ATP2C1: variants seen among roughly 807,000 people sequenced by gnomAD.
ATP2C1 encodes the protein calcium-transporting ATPase type 2C member 1.
ATP2C1 carries 31 observed loss-of-function variants against 120.5 expected under a neutral mutation model. The observed-to-expected ratio is 0.26, with a 90% confidence interval of 0.19 to 0.35. ATP2C1 has a LOEUF of 0.35. Among genes scored for constraint, ATP2C1 ranks in the 10% least tolerant of loss-of-function variants. The probability of loss-of-function intolerance (pLI) is 1.00; values close to 1 mark genes in which losing one functional copy is unlikely to be tolerated. For synonymous variants in ATP2C1, 351 were observed against 358.7 expected (o/e 0.98, Z 0.24); for missense variants, 731 against 1,107.5 (o/e 0.66, Z 4.83).
upstream of ATP2C1, among the ~76,000 whole-genome samples, chr3:130,892,338 A>G (rs2069201409): frequency 6.6e-6 from 1 of 152,254 alleles, no homozygotes; most frequent in Non-Finnish European, 1.5e-5. Context: ...GAATATGTAC[A>G]GTAATAACTG....
intron 9 of ATP2C1, 61 bp from the exon 10 acceptor site, chr3:130,954,951 G>C: frequency 9.0e-7 from 1 of 1,112,092 alleles, no homozygotes; most frequent in South Asian, 1.2e-5. Flanking sequence ...ATGTGTGTGT[G>C]TATGTGTTTT....
At position 130,852,634 on chromosome 3, in the gene ATP2C1, A is replaced by T. The variant is rs930699503; in HGVS notation, c.108+1706A>T. Among the ~76,000 whole-genome samples the T allele has an allele frequency of 3.7e-4, 57 of 152,314 alleles. 1 individual carries two copies. The highest frequency in any genetic ancestry group is 7.2e-4 in the Admixed American group (11 of 15,284). ...ATATATTTGATTTCTTTTTAAAGCCAACTACAGCTCTGCAGACCTAATGTC... is the reference window on the plus strand; with the variant it reads ...ATATATTTGATTTCTTTTTAAAGCCTACTACAGCTCTGCAGACCTAATGTC... On this transcript the variant is annotated intron_variant, in intron 1 of 26. Transcript: ENST00000504381.
chr3:130,955,502 C>T (rs1030654396), intron 10 of ATP2C1, among the ~76,000 whole-genome samples: 15 of 152,234 alleles, frequency 9.9e-5, no homozygotes, highest in Admixed American at 5.2e-4. Flanking sequence ...AAGATATTCT[C>T]GGCTAAAAGT....
chr3:131,006,821 C>A (rs2109003610), downstream of ATP2C1, among the ~76,000 whole-genome samples: 1 of 151,926 alleles, frequency 6.6e-6, no homozygotes, highest in South Asian at 2.1e-4. Context: ...TGCCACCATA[C>A]CTAGCTAATT....
intron 12 of ATP2C1, chr3:130,959,673 C>T (rs2060736373): frequency 6.3e-6 from 1 of 158,762 alleles, no homozygotes; most frequent in Admixed American, 6.2e-5. Flanking sequence ...TAATCAATTT[C>T]AGAGGAAAAC....
chr3:130,896,744 C>A (rs1400037988), intron 2 of ATP2C1, among the ~76,000 whole-genome samples: 1 of 152,122 alleles, frequency 6.6e-6, no homozygotes, highest in African/African-American at 2.4e-5. Context: ...CCTTTCTGAG[C>A]CTGTATTTCT....
In ATP2C1 at chr3:130,894,831, T is replaced by C; in HGVS notation, c.6+56T>C. On this transcript the variant is annotated intron_variant, in intron 2 of 27. Coordinates refer to ENST00000510168, the MANE Select transcript of ATP2C1 (RefSeq NM_001378687.1). This position sits in a 1 kb window ranked among gnomAD's most constrained non-coding sequence, Gnocchi z 4.5. ...CGGAGTTGAGGGTGTGGTGGTTTGC[T>C]TTTAAGTTGTCTTTGTTTTTCCACC... is the stretch of plus-strand genomic sequence containing the variant. 1.3e-5 allele frequency: 19 copies of C among 1,516,954 alleles called. No homozygotes were observed. Among genetic ancestry groups the C allele is most frequent in the Non-Finnish European group, 1.5e-5 (16 of 1,091,356 alleles). The allele number at this position is 1,516,954 out of a possible 1,614,324, so 94.0% of individuals were successfully genotyped here.
rs1576613716 is a variant in ATP2C1 at position 130,894,500 on chromosome 3, T to C, written c.-180-90T>C. On this transcript the variant is annotated intron_variant, in intron 1 of 27. Transcript: ENST00000510168. The surrounding 1 kb of genome is among the most constrained non-coding windows in gnomAD (Gnocchi z 4.5). The stretch of plus-strand genomic sequence containing the variant: ...CACACGACGGGGCGGGTGCGGGATC[T>C]TGGGGAGGGGGGCTCCCGAGATAGT... 1.5e-5 allele frequency: 21 copies of C among 1,378,316 alleles called. No individual in the cohort carries two copies. The East Asian group carries it at 5.9e-4, about 39-fold the overall frequency. The allele number at this position is 1,378,316 out of a possible 1,614,324, so 85.4% of individuals were successfully genotyped here.
chr3:130,999,370 G>T, intron 26 of ATP2C1, 148 bp from the exon 27 acceptor site: 1 of 703,436 alleles, frequency 1.4e-6, no homozygotes, highest in Non-Finnish European at 2.4e-6. Context: ...TTCCAAAACA[G>T]TAGTAAAATT....
At chr3:131,007,707 G>A (rs1171845284), downstream of ATP2C1, among the ~76,000 whole-genome samples, 3 of 152,146 alleles carry the variant, frequency 2.0e-5, no homozygotes, top group Non-Finnish European at 4.4e-5. Context: ...GTATACCAAA[G>A]TGCCCTTTAG....
At chr3:130,968,769 T>G (rs900815492) in intron 16 of ATP2C1, among the ~76,000 whole-genome samples, 1 of 152,148 alleles carries the variant, frequency 6.6e-6, no homozygotes, top group African/African-American at 2.4e-5. Flanking sequence ...TATTTTTTGA[T>G]ATTTTTGATA....
At chr3:130,924,207 G>C (rs1005668938) in intron 2 of ATP2C1, among the ~76,000 whole-genome samples, 6 of 151,592 alleles carry the variant, frequency 4.0e-5, no homozygotes, top group African/African-American at 1.5e-4. Flanking sequence ...CTTTAAGGAA[G>C]TTCCATTTTG....
intron 2 of ATP2C1, among the ~76,000 whole-genome samples, chr3:130,929,302 G>T (rs1012632388): frequency 6.6e-6 from 1 of 152,186 alleles, no homozygotes; most frequent in Admixed American, 6.5e-5. Flanking sequence ...CATACTGAGA[G>T]AAGACTTTTT....
In ATP2C1 at chr3:130,894,228, C is replaced by T; in HGVS notation, c.-290C>T. 1.0e-6 allele frequency: 1 copy of T among 985,342 alleles called. No homozygotes were observed. The highest frequency in any genetic ancestry group is 4.7e-5 in the South Asian group (1 of 21,396). The allele number at this position is 985,342 out of a possible 1,614,324, so 61.0% of individuals were successfully genotyped here. ...TCACGCCGGGAGCAGGCTCCCGCCTCGCACCGCTGCCCCGCGAGCAGCTCC... is the reference window on the plus strand; with the variant it reads ...TCACGCCGGGAGCAGGCTCCCGCCTTGCACCGCTGCCCCGCGAGCAGCTCC... On this transcript the variant is annotated 5_prime_UTR_variant, in exon 1 of 28. Transcript: ENST00000510168. The surrounding 1 kb of genome is among the most constrained non-coding windows in gnomAD (Gnocchi z 4.5).
At chr3:130,982,444 A>G (rs943785935) in intron 20 of ATP2C1, among the ~76,000 whole-genome samples, 4 of 152,202 alleles carry the variant, frequency 2.6e-5, no homozygotes, top group African/African-American at 4.8e-5. Context: ...TAAGGGGCCT[A>G]TCAAAGCCTG....
chr3:130,967,836 C>G (rs936046975), intron 16 of ATP2C1, among the ~76,000 whole-genome samples: 1 of 152,146 alleles, frequency 6.6e-6, no homozygotes, highest in Non-Finnish European at 1.5e-5. Context: ...TTTTCCCAGT[C>G]TTTCCTTTCT....
At chr3:130,959,718 C>G (rs1576888405) in intron 12 of ATP2C1, 1 of 156,432 alleles carries the variant, frequency 6.4e-6, no homozygotes, top group African/African-American at 2.4e-5. Flanking sequence ...ATTTAAAAAC[C>G]AAGTGTTTGT....
chr3:130,898,940 G>A (rs2069890233), intron 2 of ATP2C1, among the ~76,000 whole-genome samples: 1 of 152,154 alleles, frequency 6.6e-6, no homozygotes, highest in Non-Finnish European at 1.5e-5. Flanking sequence ...TTAAGGATCA[G>A]TTCAAGAGGT....
At chr3:130,955,163 A>C in intron 10 of ATP2C1, 83 bp downstream of exon 10, 2 of 967,102 alleles carry the variant, frequency 2.1e-6, no homozygotes, top group South Asian at 2.6e-5. Context: ...ATTATTTTAT[A>C]TACTATTGAG....
Sources: allele counts gnomAD v4.1 joint callset (sites outside exome capture counted in the v4.1 genomes callset), GRCh38; gene constraint gnomAD v4.1.1; non-coding constraint Gnocchi (gnomAD v3.1); transcripts MANE v1.5; gene names NCBI Gene and HGNC (gene_info 2026-07-23, HGNC 2026-07-21).